Variants in SORCS3 observed in about 807,000 individuals in gnomAD.
SORCS3 encodes the protein sortilin related VPS10 domain containing receptor 3, also known as VPS10 domain-containing receptor SorCS3.
In SORCS3, 57 loss-of-function variants were observed where a neutral mutation model predicts 146.3. The ratio of observed to expected loss-of-function variants is 0.39; its 90% CI spans 0.31 to 0.49. The LOEUF (loss-of-function observed/expected upper bound fraction) is 0.49. Ranked by LOEUF, SORCS3 falls within the 20% of genes least tolerant of loss-of-function variation. SORCS3 has a pLI of 0.92. For synonymous variants in SORCS3, 653 were observed against 618.5 expected, an observed-to-expected ratio of 1.06 and a Z score of -0.83; for missense variants, 1,341 against 1,575.5, an observed-to-expected ratio of 0.85 and a Z score of 2.52.
At chr10:104,875,972 C>A (rs980448154) in intron 2 of SORCS3, among the ~76,000 whole-genome samples, 5 of 152,128 alleles carry the variant, frequency 3.3e-5, no homozygotes, top group Non-Finnish European at 7.4e-5. Flanking sequence ...CATAAACCCA[C>A]AGGCTCTTAA....
intron 1 of SORCS3, among the ~76,000 whole-genome samples, chr10:104,765,843 T>C (rs985382722): frequency 1.3e-5 from 2 of 152,192 alleles, no homozygotes; most frequent in Non-Finnish European, 2.9e-5. Context: ...TTAAGTGCAG[T>C]TCCCAAGGTC....
At chr10:104,957,625 C>A (rs2019509166) in intron 3 of SORCS3, among the ~76,000 whole-genome samples, 1 of 151,966 alleles carries the variant, frequency 6.6e-6, no homozygotes, top group African/African-American at 2.4e-5. Flanking sequence ...CACATTTGGG[C>A]TCCTCTGTTT....
At chr10:104,816,813 T>G (rs1341611383) in intron 1 of SORCS3, among the ~76,000 whole-genome samples, 1 of 152,222 alleles carries the variant, frequency 6.6e-6, no homozygotes, top group Non-Finnish European at 1.5e-5. Flanking sequence ...GCTTGCAGAA[T>G]CATTTGGAAC....
chr10:104,946,646 C>T (rs1373231518), intron 3 of SORCS3, among the ~76,000 whole-genome samples: 1 of 152,128 alleles, frequency 6.6e-6, no homozygotes, highest in East Asian at 1.9e-4. Flanking sequence ...AAACCAGAAG[C>T]TGCTTCCACT....
At chr10:105,262,212 C>G (rs1022433419) in intron 25 of SORCS3, 119 bp from the exon 26 acceptor site, 21 of 899,194 alleles carry the variant, frequency 2.3e-5, no homozygotes, top group Non-Finnish European at 3.6e-5. Flanking sequence ...CAATATCTTT[C>G]CCTGACATGG....
At chr10:105,216,302 T>C (rs2056664640) in intron 18 of SORCS3, among the ~76,000 whole-genome samples, 1 of 152,148 alleles carries the variant, frequency 6.6e-6, no homozygotes. Context: ...GATGGTGTTA[T>C]ATAATATGTA....
intron 1 of SORCS3, among the ~76,000 whole-genome samples, chr10:104,696,241 C>A (rs2016185748): frequency 8.4e-6 from 1 of 118,770 alleles, no homozygotes; most frequent in Non-Finnish European, 1.6e-5. Flanking sequence ...ATATCATATA[C>A]ACATATGATA....
intron 20 of SORCS3, among the ~76,000 whole-genome samples, chr10:105,228,114 G>A (rs891467236): frequency 3.3e-5 from 5 of 151,764 alleles, no homozygotes; most frequent in African/African-American, 1.2e-4. Context: ...TTATTGATAT[G>A]TGAGGGCCTA....
chr10:105,144,925 G>T (rs151303986), intron 8 of SORCS3, among the ~76,000 whole-genome samples: 1 of 152,234 alleles, frequency 6.6e-6, no homozygotes, highest in African/African-American at 2.4e-5. Flanking sequence ...CAACCATAAA[G>T]ACCTATTTAG....
At chr10:104,787,395 A>G (rs557654121) in intron 1 of SORCS3, among the ~76,000 whole-genome samples, 2 of 152,246 alleles carry the variant, frequency 1.3e-5, no homozygotes, top group Non-Finnish European at 2.9e-5. Flanking sequence ...TGTTAATGCC[A>G]CAGTTACTTC....
chr10:105,125,476 A>T (rs755020162), intron 7 of SORCS3, among the ~76,000 whole-genome samples: 5 of 152,122 alleles, frequency 3.3e-5, no homozygotes, highest in Non-Finnish European at 7.4e-5. Context: ...GGAGATTTTG[A>T]TGTAACCATT....
At chr10:105,171,145 G>A (rs1173529672) in intron 13 of SORCS3, among the ~76,000 whole-genome samples, 1 of 152,156 alleles carries the variant, frequency 6.6e-6, no homozygotes, top group East Asian at 1.9e-4. Context: ...GAGAAAATAA[G>A]AGTAATAATT....
intron 2 of SORCS3, among the ~76,000 whole-genome samples, chr10:104,899,181 T>C (rs1389973060): frequency 5.9e-5 from 9 of 152,230 alleles, no homozygotes; most frequent in African/African-American, 2.2e-4. Flanking sequence ...ACAGACCTGA[T>C]ATTTCAGAGG....
intron 7 of SORCS3, among the ~76,000 whole-genome samples, chr10:105,115,763 A>G (rs1187246275): frequency 1.3e-5 from 2 of 152,322 alleles, no homozygotes; most frequent in East Asian, 1.9e-4. Context: ...CTTTCTGAAA[A>G]AAACCCTGAG....
In SORCS3 at chr10:104,814,038, G is replaced by A. The variant is rs140663444; in HGVS notation, c.628-28754G>A. ...CACTTTGCAACTTAAGTAGAAATTC[G>A]TATATGTTCTCTCATCTCTTAATCA... On this transcript the variant is annotated intron_variant, in intron 1 of 26. Coordinates refer to ENST00000369701, the MANE Select transcript of SORCS3 (RefSeq NM_014978.3). Among the ~76,000 whole-genome samples, 857 of 149,004 alleles carry A rather than the reference G, an allele frequency of 5.8e-3. 15 individuals carry two copies. The highest frequency in any genetic ancestry group is 0.019 in the African/African-American group (786 of 40,378).
At chr10:105,259,723 A>T (rs1326431636) in intron 25 of SORCS3, among the ~76,000 whole-genome samples, 2 of 151,740 alleles carry the variant, frequency 1.3e-5, no homozygotes. Context: ...TATTCCTTCC[A>T]CTGTTTTTTT....
chr10:105,234,416 G>C (rs1487588347), intron 20 of SORCS3, among the ~76,000 whole-genome samples: 1 of 151,356 alleles, frequency 6.6e-6, no homozygotes, highest in African/African-American at 2.4e-5. Context: ...TCTGTGGTTT[G>C]GTGTCTGACA....
intron 2 of SORCS3, among the ~76,000 whole-genome samples, chr10:104,910,621 C>T (rs1423545727): frequency 2.0e-5 from 3 of 152,174 alleles, no homozygotes; most frequent in Non-Finnish European, 2.9e-5. Flanking sequence ...TGTAGAAACA[C>T]TCAAAAAGGT....
At chr10:105,074,002 C>A (rs1233532821) in intron 5 of SORCS3, among the ~76,000 whole-genome samples, 1 of 152,198 alleles carries the variant, frequency 6.6e-6, no homozygotes, top group African/African-American at 2.4e-5. Context: ...CCTGAGGAAT[C>A]TTGGGAAAAT....
Sources: gnomAD v4.1 joint callset for allele counts (sites outside exome capture counted in the v4.1 genomes callset) on GRCh38, gnomAD v4.1.1 for gene constraint, MANE v1.5 for transcripts, NCBI Gene and HGNC (gene_info 2026-07-23, HGNC 2026-07-21) for gene names.